Variants in GPHN observed in about 807,000 individuals in gnomAD.
GPHN encodes gephyrin.
GPHN carries 17 observed loss-of-function variants against 95.5 expected under a neutral mutation model. The ratio of observed to expected loss-of-function variants is 0.18; its 90% CI spans 0.12 to 0.27. GPHN has a LOEUF of 0.27. GPHN is among the 10% of genes least tolerant of loss of function. The pLI is 1.00. For synonymous variants in GPHN, 320 were observed against 322.5 expected (o/e 0.99, Z 0.08); for missense variants, 660 against 978.1 (o/e 0.67, Z 4.34).
the GPHN span, among the ~76,000 whole-genome samples, chr14:67,261,456 G>A: frequency 6.6e-6 from 1 of 152,216 alleles, no homozygotes; most frequent in Non-Finnish European, 1.5e-5. Context: ...TTACAGTTAC[G>A]ATTTTGAAAA....
At chr14:67,604,621 G>A in the GPHN span, among the ~76,000 whole-genome samples, 96 of 152,240 alleles carry the variant, frequency 6.3e-4, no homozygotes, top group African/African-American at 2.2e-3. Flanking sequence ...CTTGAGCCCA[G>A]TAAGCCCAGC....
intron 1 of GPHN, among the ~76,000 whole-genome samples, chr14:66,606,451 G>A (rs1158658393): frequency 6.6e-6 from 1 of 151,994 alleles, no homozygotes; most frequent in Non-Finnish European, 1.5e-5. Context: ...TTGCCTTGGC[G>A]ATTTGGGATC....
chr14:66,641,551 T>C (rs2064411497), intron 1 of GPHN, among the ~76,000 whole-genome samples: 1 of 151,666 alleles, frequency 6.6e-6, no homozygotes, highest in African/African-American at 2.4e-5. Flanking sequence ...AAAGCAAAAA[T>C]TGATAGAAGC....
chr14:66,840,750 A>C (rs1260160926), intron 4 of GPHN, among the ~76,000 whole-genome samples: 3 of 151,678 alleles, frequency 2.0e-5, no homozygotes, highest in African/African-American at 4.8e-5. Flanking sequence ...AAAAAAAAAA[A>C]AAAACAGGAA....
At chr14:67,392,852 G>A in the GPHN span, 3 of 1,607,054 alleles carry the variant, frequency 1.9e-6, no homozygotes, top group Non-Finnish European at 2.6e-6. Flanking sequence ...GGAGGAGCCT[G>A]GCCAAGGGCA....
intron 2 of GPHN, among the ~76,000 whole-genome samples, chr14:66,767,459 GAA>G (rs1033740322): frequency 2.9e-5 from 4 of 140,290 alleles, no homozygotes; most frequent in Non-Finnish European, 4.7e-5. Context: ...AAAAAAAAAA[GAA>G]AAGAGGGAAA....
the GPHN span, among the ~76,000 whole-genome samples, chr14:67,287,496 A>G: frequency 6.6e-6 from 1 of 152,218 alleles, no homozygotes; most frequent in Non-Finnish European, 1.5e-5. Flanking sequence ...AAATGGCTAT[A>G]ACTTGTAAAA....
chr14:66,596,306 C>G (rs2061969785), intron 1 of GPHN, among the ~76,000 whole-genome samples: 2 of 152,108 alleles, frequency 1.3e-5, no homozygotes, highest in Non-Finnish European at 2.9e-5. Context: ...CACTGGCAGT[C>G]CAGTCCCCAA....
At chr14:67,063,673 A>T (rs190832657) in intron 11 of GPHN, among the ~76,000 whole-genome samples, 2 of 152,100 alleles carry the variant, frequency 1.3e-5, no homozygotes, top group Admixed American at 6.5e-5. Context: ...ATTCCTAGGT[A>T]TTTTATTCTC....
At chr14:66,891,851 C>G (rs2064527176) in intron 5 of GPHN, among the ~76,000 whole-genome samples, 1 of 151,824 alleles carries the variant, frequency 6.6e-6, no homozygotes, top group Non-Finnish European at 1.5e-5. Flanking sequence ...AGAAGATACA[C>G]AAATGACTGA....
intron 10 of GPHN, among the ~76,000 whole-genome samples, chr14:67,030,605 G>A (rs1310001976): frequency 6.6e-6 from 1 of 152,122 alleles, no homozygotes; most frequent in East Asian, 1.9e-4. Flanking sequence ...TTATCCTACA[G>A]TTCTTTCAGG....
downstream of GPHN, among the ~76,000 whole-genome samples, chr14:67,184,067 C>T (rs1163243700): frequency 6.6e-6 from 1 of 151,944 alleles, no homozygotes; most frequent in Non-Finnish European, 1.5e-5. Flanking sequence ...TCAAGTGATC[C>T]GCCCATCTCA....
chr14:67,651,373 C>T, the GPHN span: 1 of 1,613,584 alleles, frequency 6.2e-7, no homozygotes, highest in Non-Finnish European at 8.5e-7. Context: ...ACAAACCCTT[C>T]CCTATAGAAG....
intron 2 of GPHN, among the ~76,000 whole-genome samples, chr14:66,738,714 C>A (rs1331007055): frequency 1.3e-5 from 2 of 151,986 alleles, no homozygotes; most frequent in Admixed American, 6.6e-5. Context: ...TATAAAAATT[C>A]TTCACTTAAT....
the GPHN span, among the ~76,000 whole-genome samples, chr14:67,229,003 C>T: frequency 6.6e-6 from 1 of 152,210 alleles, no homozygotes; most frequent in East Asian, 1.9e-4. Flanking sequence ...TAAATGCTGC[C>T]AGTCATGCTA....
intron 1 of GPHN, among the ~76,000 whole-genome samples, chr14:66,522,506 C>T (rs895553562): frequency 2.0e-5 from 3 of 152,014 alleles, no homozygotes; most frequent in Non-Finnish European, 4.4e-5. Flanking sequence ...AATTGTGGAA[C>T]CTCTTAACCT....
chr14:67,017,300 AT>A (rs1205692537), intron 9 of GPHN, among the ~76,000 whole-genome samples: 2 of 152,118 alleles, frequency 1.3e-5, no homozygotes, highest in Non-Finnish European at 1.5e-5. Context: ...ACAATTATCC[AT>A]TTGTGTTTAA....
chr14:67,530,095 G>A, the GPHN span, among the ~76,000 whole-genome samples: 20 of 152,294 alleles, frequency 1.3e-4, no homozygotes, highest in African/African-American at 4.3e-4. Context: ...AGTTATTCCT[G>A]TCTCTCAAGC....
chr14:66,765,110 T>A (rs2058913550), intron 2 of GPHN, among the ~76,000 whole-genome samples: 1 of 152,220 alleles, frequency 6.6e-6, no homozygotes, highest in Non-Finnish European at 1.5e-5. Flanking sequence ...GGGTGAACCT[T>A]GATTGACCAC....
Sources: allele counts gnomAD v4.1 joint callset (sites outside exome capture counted in the v4.1 genomes callset), GRCh38; gene constraint gnomAD v4.1.1; transcripts MANE v1.5; gene names NCBI Gene and HGNC (gene_info 2026-07-23, HGNC 2026-07-21).